LRRC20: variants seen among roughly 807,000 people sequenced by gnomAD.
LRRC20 encodes leucine-rich repeat-containing protein 20.
Under a neutral mutation model 14.4 loss-of-function variants are expected in LRRC20, and 11 were observed. The observed-to-expected ratio is 0.77, with a 90% CI of 0.48 to 1.27. The LOEUF is 1.27. LRRC20 is among the 50% of genes most tolerant of loss of function. LRRC20 has a pLI of 0.00. For missense variants in LRRC20, 219 were observed against 251.2 expected, an observed-to-expected ratio of 0.87 and a Z score of 0.87; for synonymous variants, 121 against 107.3, an observed-to-expected ratio of 1.13 and a Z score of -0.79.
In LRRC20 at chr10:70,328,293, T is replaced by C. The variant is rs946105411; in HGVS notation, c.233-4263A>G. On this transcript the variant is annotated intron_variant, in intron 3 of 4. Transcript: ENST00000446961. ...TGTAAAAAGGGTAATCTTTGTTTTTTGTTTTTTGGCGTTTTTTTTTTGAGA... is the reference window on the plus strand; with the variant it reads ...TGTAAAAAGGGTAATCTTTGTTTTTCGTTTTTTGGCGTTTTTTTTTTGAGA... Among the ~76,000 whole-genome samples the C allele has an allele frequency of 7.7e-4, 115 of 148,420 alleles. 12 individuals are homozygous for C. The highest frequency in any genetic ancestry group is 7.5e-5 in the African/African-American group (3 of 40,108).
chr10:70,339,585 C>T (rs552247598), intron 3 of LRRC20, among the ~76,000 whole-genome samples: 27 of 152,266 alleles, frequency 1.8e-4, no homozygotes, highest in African/African-American at 6.3e-4. Flanking sequence ...CGTTCACAAA[C>T]GTACAACAGG....
intron 3 of LRRC20, among the ~76,000 whole-genome samples, chr10:70,337,744 G>A (rs1255307318): frequency 2.0e-5 from 3 of 152,110 alleles, no homozygotes; most frequent in Non-Finnish European, 4.4e-5. Flanking sequence ...GTCCATACCC[G>A]TATCACAGCA....
chr10:70,368,601 A>T (rs1844128293), intron 2 of LRRC20, among the ~76,000 whole-genome samples: 1 of 151,274 alleles, frequency 6.6e-6, no homozygotes. Context: ...TTCTGAAATG[A>T]ACTGAGGTTT....
At chr10:70,301,611 G>C in intron 4 of LRRC20, 103 bp from the exon 5 acceptor site, 3 of 1,365,110 alleles carry the variant, frequency 2.2e-6, no homozygotes, top group Non-Finnish European at 3.0e-6. Context: ...GTGAGGGGCA[G>C]CTCTCCATTG....
At chr10:70,364,428 T>G (rs1843886751) in intron 2 of LRRC20, among the ~76,000 whole-genome samples, 1 of 152,238 alleles carries the variant, frequency 6.6e-6, no homozygotes, top group African/African-American at 2.4e-5. Flanking sequence ...AGTGTGTTTT[T>G]TGAAAGAGGA....
Position 70,301,151 on chromosome 10 carries a change from C to T in LRRC20, c.*203G>A, listed in dbSNP as rs1159125194. On this transcript the variant is annotated 3_prime_UTR_variant, in exon 5 of 5. Transcript: ENST00000446961. ...GAGTGCCGAGTCCAGGCTGCAGGCC[C>T]CACCTTGCCTCTTCCCTTGGGCATT... 1 of 1,376,594 alleles carries T rather than the reference C, an allele frequency of 7.3e-7. No homozygotes were observed. Among genetic ancestry groups the T allele is most frequent in the Admixed American group, 3.3e-5 (1 of 30,110 alleles). The allele number at this position is 1,376,594 out of a possible 1,614,324, so 85.3% of individuals were successfully genotyped here.
At chr10:70,363,940 TG>T (rs1843862119) in intron 2 of LRRC20, among the ~76,000 whole-genome samples, 1 of 152,126 alleles carries the variant, frequency 6.6e-6, no homozygotes, top group South Asian at 2.1e-4. Context: ...GACCCTGCAG[TG>T]GGGACCTCCA....
intron 3 of LRRC20, among the ~76,000 whole-genome samples, chr10:70,334,846 C>T (rs929693979): frequency 6.6e-6 from 1 of 152,182 alleles, no homozygotes; most frequent in Non-Finnish European, 1.5e-5. Flanking sequence ...AAGATAAAGC[C>T]TGGTGCCTCC....
chr10:70,380,135 A>G (rs945504713), intron 1 of LRRC20, among the ~76,000 whole-genome samples: 8 of 152,172 alleles, frequency 5.3e-5, no homozygotes, highest in African/African-American at 1.9e-4. Flanking sequence ...TAGTCAGATT[A>G]AAAATTTCAC....
In LRRC20 at chr10:70,300,316, G is replaced by C. The variant is rs1841123135; in HGVS notation, c.*1038C>G. On this transcript the variant is annotated 3_prime_UTR_variant, in exon 5 of 5. Transcript: ENST00000446961. ...TAGCATTGAAAGTTCCATGTCCTGG[G>C]AAACCAGGACAGCTGGTCACCCTGT... 1 of 962,604 alleles carries C rather than the reference G, an allele frequency of 1.0e-6. No homozygotes were observed. The highest frequency in any genetic ancestry group is 1.8e-5 in the African/African-American group (1 of 56,908). 59.6% of individuals were successfully genotyped at this position (962,604 alleles called of 1,614,324 possible). A position where few individuals can be genotyped will look rare whatever the true frequency, so the allele number is the denominator to read the frequency against.
At chr10:70,346,605 G>T (rs1356336666) in intron 2 of LRRC20, among the ~76,000 whole-genome samples, 1 of 151,942 alleles carries the variant, frequency 6.6e-6, no homozygotes, top group Non-Finnish European at 1.5e-5. Context: ...AGAGCGTAGG[G>T]TTTTTTTCTG....
intron 2 of LRRC20, among the ~76,000 whole-genome samples, chr10:70,371,317 T>C (rs1421959376): frequency 1.3e-5 from 2 of 152,042 alleles, no homozygotes; most frequent in Non-Finnish European, 1.5e-5. Context: ...TTTTAAATTT[T>C]ATTTTTGGTA....
chr10:70,300,575 T>C lies in LRRC20; in HGVS notation c.*779A>G. On this transcript the variant is annotated 3_prime_UTR_variant, in exon 5 of 5. Coordinates refer to ENST00000446961, the MANE Select transcript of LRRC20 (RefSeq NM_001278212.2). ...AGGTGTAACTGACTCTGCTGTTCTC[T>C]GGGCCACCTCTCCCGCAGCTCAGGA... The C allele has an allele frequency of 1.0e-6, 1 of 985,562 alleles. No homozygotes were observed. Among genetic ancestry groups the C allele is most frequent in the Non-Finnish European group, 1.2e-6 (1 of 830,032 alleles). 61.1% of individuals were successfully genotyped at this position (985,562 alleles called of 1,614,324 possible).
intron 2 of LRRC20, among the ~76,000 whole-genome samples, chr10:70,362,457 A>G (rs767931237): frequency 6.6e-6 from 1 of 152,260 alleles, no homozygotes; most frequent in African/African-American, 2.4e-5. Flanking sequence ...GAAGAAGCCG[A>G]TGAGGGTTTA....
At chr10:70,328,498 T>C (rs937062251) in intron 3 of LRRC20, among the ~76,000 whole-genome samples, 4 of 152,192 alleles carry the variant, frequency 2.6e-5, no homozygotes, top group Admixed American at 1.3e-4. Flanking sequence ...GGTTTTGCCA[T>C]GTTGGCCAGG....
At chr10:70,368,105 T>C (rs1476167041) in intron 2 of LRRC20, among the ~76,000 whole-genome samples, 1 of 150,320 alleles carries the variant, frequency 6.7e-6, no homozygotes, top group Non-Finnish European at 1.5e-5. Context: ...AGCTTCAGCC[T>C]CTCAAGTAGC....
chr10:70,312,705 A>G (rs1380534323), intron 4 of LRRC20, among the ~76,000 whole-genome samples: 3 of 152,150 alleles, frequency 2.0e-5, no homozygotes. Context: ...AAAGCTGTGC[A>G]CCCTCAGGCA....
At chr10:70,333,833 T>C (rs1842624784) in intron 3 of LRRC20, among the ~76,000 whole-genome samples, 1 of 152,100 alleles carries the variant, frequency 6.6e-6, no homozygotes, top group African/African-American at 2.4e-5. Context: ...ATTCCAGTGG[T>C]GGGTTGCACT....
At chr10:70,372,077 G>A (rs1411643655) in intron 2 of LRRC20, among the ~76,000 whole-genome samples, 5 of 151,296 alleles carry the variant, frequency 3.3e-5, no homozygotes, top group Admixed American at 2.0e-4. Context: ...ACCCCGGGAG[G>A]GAACCCAGCA....
Sources: allele counts gnomAD v4.1 joint callset (sites outside exome capture counted in the v4.1 genomes callset), GRCh38; gene constraint gnomAD v4.1.1; transcripts MANE v1.5; gene names NCBI Gene and HGNC (gene_info 2026-07-23, HGNC 2026-07-21).